Variants in CYFIP1 observed in about 807,000 individuals in gnomAD.
CYFIP1 encodes cytoplasmic FMR1-interacting protein 1.
Under a neutral mutation model 163.5 loss-of-function variants are expected in CYFIP1, and 58 were observed. The observed-to-expected ratio is 0.35, with a 90% CI of 0.29 to 0.44. The LOEUF (loss-of-function observed/expected upper bound fraction) is 0.44, where lower values mean the gene tolerates loss of function less well. CYFIP1 is among the 20% of genes least tolerant of loss of function. The pLI is 1.00. For missense variants in CYFIP1, 1,338 were observed against 1,653.8 expected (o/e 0.81, Z 3.31); for synonymous variants, 663 against 660.7 (o/e 1.00, Z -0.05).
At chr15:22,892,569 C>T (rs1395134597) in intron 23 of CYFIP1, among the ~76,000 whole-genome samples, 1 of 152,180 alleles carries the variant, frequency 6.6e-6, no homozygotes, top group Non-Finnish European at 1.5e-5. Flanking sequence ...TGTTTTTAAA[C>T]CTGTAATCTT....
In CYFIP1 at chr15:22,910,730, TA is replaced by T. The variant is rs1318486968; in HGVS notation, c.2159+6del. ...TTTTGTATCAAAATCACACACCAGA[TA>T]CTCACCTTCCTGCCATAACCTTATA... On this transcript the variant is annotated splice_donor_region_variant and intron_variant, in intron 19 of 30. Coordinates refer to ENST00000617928, the MANE Select transcript of CYFIP1 (RefSeq NM_014608.6). 6.2e-7 allele frequency: 1 copy of T among 1,612,456 alleles called. No individual in the cohort carries two copies. Among genetic ancestry groups the T allele is most frequent in the Non-Finnish European group, 8.5e-7 (1 of 1,178,478 alleles).
Position 22,869,575 on chromosome 15 carries a change from A to ACTATTTCCCTT in CYFIP1, c.*452_*453insAAGGGAAATAG, listed in dbSNP as rs2059362029. The ACTATTTCCCTT allele has an allele frequency of 1.3e-5, 2 of 152,866 alleles. No individual in the cohort carries two copies. The highest frequency in any genetic ancestry group is 2.4e-5 in the African/African-American group (1 of 41,466). The allele number at this position is 152,866 out of a possible 1,614,324, so 9.5% of individuals were successfully genotyped here. A position where few individuals can be genotyped will look rare whatever the true frequency, so the allele number is the denominator to read the frequency against. On this transcript the variant is annotated 3_prime_UTR_variant, in exon 31 of 31. Transcript: ENST00000617928. ...AATCAAGTTCACTATTTTCTGAAAC[A>ACTATTTCCCTT]CACAAAAAAGGGATGGGAACAATGA...
chr15:22,959,577 C>T (rs531687171), intron 1 of CYFIP1, among the ~76,000 whole-genome samples: 9 of 152,354 alleles, frequency 5.9e-5, no homozygotes, highest in African/African-American at 1.9e-4. Context: ...CCAAGCATGA[C>T]CTCGGGCGCT....
chr15:22,871,784 A>G (rs1048687475), intron 30 of CYFIP1, among the ~76,000 whole-genome samples: 4 of 152,208 alleles, frequency 2.6e-5, no homozygotes, highest in African/African-American at 9.6e-5. Flanking sequence ...AGGGGGACCC[A>G]GTCCTACAGC....
chr15:22,880,038 G>A lies in CYFIP1; in HGVS notation c.2917C>T (p.Leu973=). The stretch of plus-strand genomic sequence containing the variant: ...TTCAGCTGGTGGTGGAAGAACTCCA[G>A]GATACCTACGGTGGCGGGAGTGAGG... ...PRHEYGSPGI[L]EFFHHQLKDI... Residue 973 remains leucine, a synonymous_variant, in exon 26 of 31, where the codon CTG becomes TTG. Coordinates refer to ENST00000617928, the MANE Select transcript of CYFIP1 (RefSeq NM_014608.6). 6.2e-7 allele frequency: 1 copy of A among 1,613,774 alleles called. No homozygotes were observed. The highest frequency in any genetic ancestry group is 8.5e-7 in the Non-Finnish European group (1 of 1,179,948).
At chr15:22,947,502 TC>T (rs1309486726) in intron 1 of CYFIP1, among the ~76,000 whole-genome samples, 1 of 152,092 alleles carries the variant, frequency 6.6e-6, no homozygotes, top group Non-Finnish European at 1.5e-5. Context: ...AGCTTATCCT[TC>T]CACACTCGCT....
chr15:22,938,382 A>T (rs1427773731), intron 8 of CYFIP1, among the ~76,000 whole-genome samples: 2 of 152,016 alleles, frequency 1.3e-5, no homozygotes, highest in East Asian at 3.9e-4. Flanking sequence ...AGGCAAGAAG[A>T]TTGCTTGAGC....
rs1566969385 is a variant in CYFIP1 at position 22,917,157 on chromosome 15, C to T, written c.1675-527G>A. On this transcript the variant is annotated intron_variant, in intron 15 of 30. Coordinates refer to ENST00000617928, the MANE Select transcript of CYFIP1 (RefSeq NM_014608.6). This position sits in a 1 kb window ranked among gnomAD's most constrained non-coding sequence, Gnocchi z 4.2. The stretch of plus-strand genomic sequence containing the variant: ...AGGGTGGCTGGCACCACGCACAGGC[C>T]GAGGGCCGTCCCCCTGACCCTCCTG... 15 of 1,437,414 alleles carry T rather than the reference C, an allele frequency of 1.0e-5. No individual in the cohort carries two copies. Among genetic ancestry groups the T allele is most frequent in the Middle Eastern group, 2.6e-4 (1 of 3,900 alleles). The allele number at this position is 1,437,414 out of a possible 1,614,324, so 89.0% of individuals were successfully genotyped here.
rs1329731749 is a variant in CYFIP1 at position 22,917,542 on chromosome 15, G to A, written c.1674+246C>T. 1.1e-5 allele frequency: 6 copies of A among 559,426 alleles called. No homozygotes were observed. Among genetic ancestry groups the A allele is most frequent in the Non-Finnish European group, 1.8e-5 (6 of 334,340 alleles). 34.7% of individuals were successfully genotyped at this position (559,426 alleles called of 1,614,324 possible). ...TTGTGCCCACATTTTTGGGATGGGA[G>A]TTGAAATGGAGTCAGACTCCTTTTT... On this transcript the variant is annotated intron_variant, in intron 15 of 30. Transcript: ENST00000617928. The surrounding 1 kb of genome is among the most constrained non-coding windows in gnomAD (Gnocchi z 4.2).
rs539605936 is a variant in CYFIP1 at position 22,937,604 on chromosome 15, G to GT, written c.796-397dup. 5.8e-3 allele frequency among the ~76,000 whole-genome samples: 816 copies of GT among 140,442 alleles called. 10 individuals carry two copies. The highest frequency in any genetic ancestry group is 0.014 in the African/African-American group (545 of 38,728). 92.1% of individuals were successfully genotyped at this position (140,442 alleles called of 152,430 possible). On this transcript the variant is annotated intron_variant, in intron 8 of 30. Transcript: ENST00000617928. ...TATGCAAACTAAAAATTCTTTTTTT[G>GT]TTTTTTTTTTTTGAGATGGAGTCTG... is the stretch of plus-strand genomic sequence containing the variant.
At position 22,917,341 on chromosome 15, in the gene CYFIP1, G is replaced by C. The variant is rs979131079; in HGVS notation, c.1674+447C>G. 6 of 1,282,762 alleles carry C rather than the reference G, an allele frequency of 4.7e-6. No homozygotes were observed. The highest frequency in any genetic ancestry group is 3.8e-5 in the Admixed American group (1 of 26,290). The allele number at this position is 1,282,762 out of a possible 1,614,324, so 79.5% of individuals were successfully genotyped here. A position where few individuals can be genotyped will look rare whatever the true frequency, so the allele number is the denominator to read the frequency against. On this transcript the variant is annotated intron_variant, in intron 15 of 30. Transcript: ENST00000617928. The surrounding 1 kb of genome is among the most constrained non-coding windows in gnomAD (Gnocchi z 4.2). ...GTGAAAGTCGTGAGAAGCACCTCGG[G>C]GAGGCCTGAACACACCAGGAGAGAG...
intron 17 of CYFIP1, among the ~76,000 whole-genome samples, chr15:22,912,690 G>T (rs771479550): frequency 3.9e-5 from 6 of 152,186 alleles, no homozygotes; most frequent in Non-Finnish European, 7.3e-5. Flanking sequence ...GGGCTGAGGT[G>T]GGCAGATCAC....
intron 5 of CYFIP1, among the ~76,000 whole-genome samples, chr15:22,944,238 CAAAAAA>C (rs34662161): frequency 5.3e-5 from 5 of 94,976 alleles, no homozygotes; most frequent in Non-Finnish European, 1.0e-4. Flanking sequence ...GACTCTGTCT[CAAAAAA>C]AAAAAAAAAA....
At chr15:22,878,452 C>T (rs1205966300) in intron 26 of CYFIP1, among the ~76,000 whole-genome samples, 3 of 152,092 alleles carry the variant, frequency 2.0e-5, no homozygotes, top group African/African-American at 4.8e-5. Context: ...AGGAGCCCTT[C>T]AGCCACTAGA....
upstream of CYFIP1, among the ~76,000 whole-genome samples, chr15:22,980,824 G>A (rs913594135): frequency 2.6e-5 from 4 of 152,158 alleles, no homozygotes; most frequent in African/African-American, 9.6e-5. Flanking sequence ...TTCCAGGCGC[G>A]GGTCCCAGCT....
At chr15:22,950,357 C>T (rs961693437) in intron 1 of CYFIP1, among the ~76,000 whole-genome samples, 1 of 152,104 alleles carries the variant, frequency 6.6e-6, no homozygotes, top group Non-Finnish European at 1.5e-5. Context: ...GCTTTGTCAG[C>T]ACCAGACCCA....
intron 13 of CYFIP1, among the ~76,000 whole-genome samples, chr15:22,925,240 A>C (rs988394818): frequency 2.6e-5 from 4 of 152,138 alleles, no homozygotes; most frequent in Non-Finnish European, 5.9e-5. Flanking sequence ...TGAATATGAA[A>C]CTACAGTGGG....
chr15:22,874,747 T>G (rs2059534618), intron 27 of CYFIP1, 103 bp from the exon 28 acceptor site: 2 of 706,792 alleles, frequency 2.8e-6, no homozygotes, highest in Non-Finnish European at 4.3e-6. Context: ...TAAGTTAACA[T>G]TATGGATACA....
At chr15:22,972,514 T>A (rs1006691926) in intron 1 of CYFIP1, among the ~76,000 whole-genome samples, 3 of 152,090 alleles carry the variant, frequency 2.0e-5, no homozygotes, top group African/African-American at 7.2e-5. Context: ...CACAGACACA[T>A]AAACCAATGG....
Sources: allele counts gnomAD v4.1 joint callset (sites outside exome capture counted in the v4.1 genomes callset), GRCh38; gene constraint gnomAD v4.1.1; non-coding constraint Gnocchi (gnomAD v3.1); transcripts MANE v1.5; gene names NCBI Gene and HGNC (gene_info 2026-07-23, HGNC 2026-07-21).